The following KCTD8 variants were observed in gnomAD, a reference collection of about 807,000 sequenced individuals.
KCTD8 encodes the protein potassium channel tetramerization domain containing 8.
KCTD8 carries 27 observed loss-of-function variants against 31.5 expected under a neutral mutation model. The ratio of observed to expected loss-of-function variants is 0.86; its 90% CI spans 0.63 to 1.18. KCTD8 has a LOEUF of 1.18. Ranked by LOEUF, KCTD8 falls within the 50% of genes most tolerant of loss-of-function variation. KCTD8 has a pLI of 0.00. For missense variants in KCTD8, 658 were observed against 647.7 expected, an observed-to-expected ratio of 1.02 and a Z score of -0.17; for synonymous variants, 290 against 280.0, an observed-to-expected ratio of 1.04 and a Z score of -0.36.
chr4:44,337,684 T>A (rs71609444), intron 1 of KCTD8, among the ~76,000 whole-genome samples: 120,061 of 146,256 alleles, frequency 0.82, 49,806 homozygotes, highest in East Asian at 0.98. Context: ...AAAAAATATA[T>A]ATATATATAT....
At chr4:44,426,500 C>A (rs757143888) in intron 1 of KCTD8, among the ~76,000 whole-genome samples, 1 of 151,108 alleles carries the variant, frequency 6.6e-6, no homozygotes, top group Non-Finnish European at 1.5e-5. Context: ...ATAGAAATAA[C>A]CAAAAAACAG....
chr4:44,317,050 A>G (rs1234723943), intron 1 of KCTD8, among the ~76,000 whole-genome samples: 2 of 150,824 alleles, frequency 1.3e-5, no homozygotes, highest in African/African-American at 4.8e-5. Flanking sequence ...AACTTGTTAG[A>G]GTAAGGAGGC....
intron 1 of KCTD8, among the ~76,000 whole-genome samples, chr4:44,445,836 T>C (rs147520494): frequency 3.9e-5 from 6 of 152,294 alleles, no homozygotes; most frequent in East Asian, 3.9e-4. Flanking sequence ...TGGTTTAAAA[T>C]CTAAAAAGTT....
intron 1 of KCTD8, among the ~76,000 whole-genome samples, chr4:44,365,229 T>C (rs1160082390): frequency 1.3e-5 from 2 of 152,070 alleles, no homozygotes; most frequent in Middle Eastern, 3.2e-3. Flanking sequence ...CTATATTTTT[T>C]CTAAAAAATA....
chr4:44,249,707 AAATT>A (rs546781040), intron 1 of KCTD8, among the ~76,000 whole-genome samples: 35 of 151,818 alleles, frequency 2.3e-4, no homozygotes, highest in African/African-American at 8.2e-4. Flanking sequence ...AATTATAAAT[AAATT>A]ATTAGTATTT....
rs557814224 is a variant in KCTD8, at chr4:44,317,325, C to T, written c.961+130238G>A. Among the ~76,000 whole-genome samples the T allele has an allele frequency of 6.1e-4, 76 of 125,454 alleles. 1 individual carries two copies. In the South Asian group the frequency reaches 0.02, roughly 32 times the overall value. The allele number at this position is 125,454 out of a possible 152,430, so 82.3% of individuals were successfully genotyped here. On this transcript the variant is annotated intron_variant, in intron 1 of 1. Transcript: ENST00000360029. Reference sequence around the variant, plus strand: ...CGCAATCTCGGCTCACTGCAAGCTCCGCTTCCCGGGTTCACGCCATTCTCC... The same window carrying T: ...CGCAATCTCGGCTCACTGCAAGCTCTGCTTCCCGGGTTCACGCCATTCTCC...
intron 1 of KCTD8, among the ~76,000 whole-genome samples, chr4:44,337,945 T>A (rs1266309950): frequency 1.3e-5 from 2 of 152,002 alleles, no homozygotes; most frequent in African/African-American, 4.8e-5. Flanking sequence ...TGAAAATGGA[T>A]ATGAGTGCTT....
intron 1 of KCTD8, among the ~76,000 whole-genome samples, chr4:44,199,356 T>C (rs1344080423): frequency 6.6e-6 from 1 of 152,104 alleles, no homozygotes; most frequent in African/African-American, 2.4e-5. Context: ...ATATATATTC[T>C]TCTCATGTAC....
At chr4:44,358,659 C>T (rs1032511198) in intron 1 of KCTD8, among the ~76,000 whole-genome samples, 37 of 151,962 alleles carry the variant, frequency 2.4e-4, no homozygotes, top group Non-Finnish European at 5.0e-4. Context: ...AGCTCCGCCT[C>T]CCGGGTTCAT....
intron 1 of KCTD8, among the ~76,000 whole-genome samples, chr4:44,180,450 G>A (rs540277397): frequency 2.8e-3 from 433 of 152,154 alleles, no homozygotes; most frequent in Non-Finnish European, 5.2e-3. Flanking sequence ...AATAAACTAG[G>A]ATATCCATCC....
chr4:44,388,763 TAC>T, intron 1 of KCTD8, among the ~76,000 whole-genome samples: 1 of 151,794 alleles, frequency 6.6e-6, no homozygotes, highest in South Asian at 2.1e-4. Flanking sequence ...CTAGGTTTAA[TAC>T]CTGGGTGATG....
rs1198463524 is a variant in KCTD8, at chr4:44,203,358, C to G, written c.962-28108G>C. On this transcript the variant is annotated intron_variant, in intron 1 of 1. Transcript: ENST00000360029. ...TCTCTACTAAAAATACAAAAATTAG[C>G]TGAGTGTGGAGGCAGGCGCTTGTAA... is the stretch of plus-strand genomic sequence containing the variant. Among the ~76,000 whole-genome samples, 4 of 151,894 alleles carry G rather than the reference C, an allele frequency of 2.6e-5. No individual in the cohort carries two copies. In the South Asian group the frequency reaches 8.3e-4, roughly 31 times the overall value.
chr4:44,346,279 C>G (rs1435941753), intron 1 of KCTD8, among the ~76,000 whole-genome samples: 1 of 152,040 alleles, frequency 6.6e-6, no homozygotes, highest in Non-Finnish European at 1.5e-5. Flanking sequence ...ATTGCTGTAA[C>G]CGGATGCCCT....
At chr4:44,177,988 C>T (rs1476325534) in intron 1 of KCTD8, among the ~76,000 whole-genome samples, 1 of 152,096 alleles carries the variant, frequency 6.6e-6, no homozygotes, top group Non-Finnish European at 1.5e-5. Context: ...AGGGATGTTA[C>T]TTGAAGGATC....
intron 1 of KCTD8, among the ~76,000 whole-genome samples, chr4:44,361,452 T>C (rs1719495057): frequency 6.6e-6 from 1 of 152,098 alleles, no homozygotes; most frequent in South Asian, 2.1e-4. Context: ...CTAGATACTT[T>C]TAAAACATGA....
chr4:44,261,224 G>T (rs1716151256), intron 1 of KCTD8, among the ~76,000 whole-genome samples: 1 of 152,040 alleles, frequency 6.6e-6, no homozygotes, highest in East Asian at 1.9e-4. Flanking sequence ...AGGAGGAAGA[G>T]ATTTGGGAGG....
intron 1 of KCTD8, among the ~76,000 whole-genome samples, chr4:44,340,761 T>C (rs566502490): frequency 1.3e-5 from 2 of 152,166 alleles, no homozygotes; most frequent in African/African-American, 4.8e-5. Flanking sequence ...ATATACTATA[T>C]GATTCCAAAA....
chr4:44,274,695 G>C (rs1260798079), intron 1 of KCTD8, among the ~76,000 whole-genome samples: 1 of 151,804 alleles, frequency 6.6e-6, no homozygotes, highest in African/African-American at 2.4e-5. Context: ...CATAATGAGA[G>C]TTTAAAGTCT....
chr4:44,342,384 A>AG (rs1187875612), intron 1 of KCTD8, among the ~76,000 whole-genome samples: 2 of 151,870 alleles, frequency 1.3e-5, no homozygotes, highest in African/African-American at 4.8e-5. Context: ...AAAAAAAAAA[A>AG]AAAGAAAGGA....
Sources: gnomAD v4.1 joint callset for allele counts (sites outside exome capture counted in the v4.1 genomes callset) on GRCh38, gnomAD v4.1.1 for gene constraint, MANE v1.5 for transcripts, NCBI Gene and HGNC (gene_info 2026-07-23, HGNC 2026-07-21) for gene names.